Variants in PHC3 observed in about 807,000 individuals in gnomAD.
The protein encoded by PHC3 is polyhomeotic homolog 3, also known as polyhomeotic-like protein 3.
PHC3 carries 13 observed loss-of-function variants against 107.4 expected under a neutral mutation model. The ratio of observed to expected loss-of-function variants is 0.12; its 90% CI spans 0.08 to 0.19. The LOEUF (loss-of-function observed/expected upper bound fraction) is 0.19, where lower values mean the gene tolerates loss of function less well. Among genes scored for constraint, PHC3 ranks in the 10% least tolerant of loss-of-function variants. The pLI, the probability that PHC3 is intolerant of heterozygous loss-of-function variation, is 1.00. For missense variants in PHC3, 992 were observed against 1,210.9 expected (o/e 0.82, Z 2.68); for synonymous variants, 456 against 427.4 (o/e 1.07, Z -0.83).
chr3:170,128,645 C>G (rs552547127), intron 8 of PHC3, 39 bp downstream of exon 8: 1 of 1,574,478 alleles, frequency 6.4e-7, no homozygotes, highest in East Asian at 2.2e-5. Flanking sequence ...TTTTTACTTT[C>G]AGTTCAGCAA....
intron 2 of PHC3, among the ~76,000 whole-genome samples, chr3:170,174,684 C>T (rs1730135187): frequency 6.6e-6 from 1 of 152,170 alleles, no homozygotes; most frequent in Non-Finnish European, 1.5e-5. Context: ...AACTTCAAGA[C>T]AGCATATTTC....
At chr3:170,155,044 T>C (rs1210738725) in intron 4 of PHC3, among the ~76,000 whole-genome samples, 8 of 152,200 alleles carry the variant, frequency 5.3e-5, no homozygotes, top group Non-Finnish European at 1.2e-4. Flanking sequence ...GAAACTCACT[T>C]ACTGAGCCCG....
chr3:170,164,392 T>C (rs1017157075), intron 4 of PHC3, among the ~76,000 whole-genome samples: 3 of 152,298 alleles, frequency 2.0e-5, no homozygotes, highest in Middle Eastern at 3.4e-3. Flanking sequence ...TTCAACCTCC[T>C]TCCTCAGAGA....
chr3:170,136,778 T>TATGA, intron 6 of PHC3, 113 bp from the exon 7 acceptor site: 2 of 1,119,442 alleles, frequency 1.8e-6, no homozygotes, highest in Non-Finnish European at 2.5e-6. Context: ...TTTTCATACG[T>TATGA]AAAGCTCCAA....
intron 4 of PHC3, among the ~76,000 whole-genome samples, chr3:170,154,428 T>A (rs182943436): frequency 2.0e-4 from 31 of 152,072 alleles, no homozygotes; most frequent in Admixed American, 9.2e-4. Flanking sequence ...GCCTTAGAAC[T>A]TTTTTTTCAG....
intron 4 of PHC3, among the ~76,000 whole-genome samples, chr3:170,157,920 A>C (rs1003485542): frequency 6.6e-6 from 1 of 151,922 alleles, no homozygotes; most frequent in Non-Finnish European, 1.5e-5. Context: ...TTATATTAGC[A>C]AAAAGACAGA....
Position 170,172,575 on chromosome 3 carries a change from C to A in PHC3, c.318G>T (p.Gln106His). The change falls in exon 3 of 15, where the codon CAG becomes CAT. Residue 106 changes from glutamine (Q) to histidine (H), a missense_variant. Physicochemically the swap from Gln to His is conservative, Grantham distance 24. This residue lies in a region of PHC3 where 161 missense variants were observed against 183.7 expected (regional missense o/e 0.88). Transcript: ENST00000495893. ...GTCTTACCTGAACAGCAGCAAGGCT[C>A]TGAAGCTGGGAGCTGCTTAAATGCT... Reference protein sequence around the residue: ...QQQHLSSSQLQSLAAVQASLS... With the variant: ...QQQHLSSSQLHSLAAVQASLS... 1 of 1,613,352 alleles carries A rather than the reference C, an allele frequency of 6.2e-7. No individual in the cohort carries two copies. The highest frequency in any genetic ancestry group is 8.5e-7 in the Non-Finnish European group (1 of 1,179,764).
rs1446018828 is a variant in PHC3, at chr3:170,095,021, A to G, written c.*2209T>C. On this transcript the variant is annotated 3_prime_UTR_variant, in exon 15 of 15. Coordinates refer to ENST00000495893, the MANE Select transcript of PHC3 (RefSeq NM_024947.4). The stretch of plus-strand genomic sequence containing the variant: ...TCCCCATATAATAAATTTTGTATTA[A>G]CCGTGGATAATCTATGAAAAGTTTT... The G allele has an allele frequency of 6.6e-6, 1 of 152,176 alleles. No homozygotes were observed. The highest frequency in any genetic ancestry group is 1.5e-5 in the Non-Finnish European group (1 of 68,040). The allele number at this position is 152,176 out of a possible 1,614,324, so 9.4% of individuals were successfully genotyped here.
rs1198516578 is a variant in PHC3 at position 170,117,270 on chromosome 3, C to T, written c.2149G>A (p.Val717Ile). ...AIVKPQILTH[V>I]IEGFVIQEGL... ...TCCTGAATCACAAAGCCTTCAATAA[C>T]ATGGGTTAGGATCTGTGGTTTAACA... Residue 717 changes from valine (V) to isoleucine (I), a missense_variant, in exon 10 of 15, where the codon GTT becomes ATT. This residue lies in a region of PHC3 where 4 missense variants were observed against 21.5 expected (regional missense o/e 0.19). Coordinates refer to ENST00000495893, the MANE Select transcript of PHC3 (RefSeq NM_024947.4). 1 of 1,613,778 alleles carries T rather than the reference C, an allele frequency of 6.2e-7. No individual in the cohort carries two copies. The highest frequency in any genetic ancestry group is 2.2e-5 in the East Asian group (1 of 44,884).
rs1486107816 is a variant in PHC3, at chr3:170,181,728, A to C, written c.-13T>G. 1.2e-6 allele frequency: 2 copies of C among 1,611,878 alleles called. No homozygotes were observed. Among genetic ancestry groups the C allele is most frequent in the Non-Finnish European group, 1.7e-6 (2 of 1,179,540 alleles). The stretch of plus-strand genomic sequence containing the variant: ...CCGCTTCCGCCATCTTCTCTCCTCC[A>C]TCACTAACATGGGCTGCGCATGCGC... On this transcript the variant is annotated 5_prime_UTR_variant, in exon 1 of 15. The change abolishes an upstream ATG in the 5' untranslated region. Transcript: ENST00000495893.
intron 4 of PHC3, among the ~76,000 whole-genome samples, chr3:170,157,677 A>G (rs1369995630): frequency 6.6e-6 from 1 of 152,114 alleles, no homozygotes; most frequent in Admixed American, 6.6e-5. Context: ...TAAGCAAATG[A>G]TTTTCTCTCA....
chr3:170,172,278 C>G (rs902380837), intron 3 of PHC3, among the ~76,000 whole-genome samples: 70 of 152,024 alleles, frequency 4.6e-4, no homozygotes, highest in Non-Finnish European at 1.8e-4. Context: ...CCTAAGTACT[C>G]ACTGTTGTAC....
At chr3:170,158,979 T>C (rs562860349) in intron 4 of PHC3, among the ~76,000 whole-genome samples, 11 of 143,630 alleles carry the variant, frequency 7.7e-5, no homozygotes, top group Non-Finnish European at 1.4e-4. Flanking sequence ...GGGCCGGGCG[T>C]GGTGGCTCAC....
chr3:170,115,877 T>TCACACACACACACACACACACACA lies in PHC3; in HGVS notation c.2193+1325_2193+1348dup, dbSNP rs148039100. Among the ~76,000 whole-genome samples, 6 of 148,572 alleles carry TCACACACACACACACACACACACA rather than the reference T, an allele frequency of 4.0e-5. No homozygotes were observed. In the East Asian group the frequency reaches 9.9e-4, roughly 25 times the overall value. On this transcript the variant is annotated intron_variant, in intron 10 of 14. Coordinates refer to ENST00000495893, the MANE Select transcript of PHC3 (RefSeq NM_024947.4). ...AATTGTTATAGGAAATCCAAGTTTCTCACACACACACACACACACACACAC... is the reference window on the plus strand; with the variant it reads ...AATTGTTATAGGAAATCCAAGTTTCTCACACACACACACACACACACACACACACACACACACACACACACACAC...
intron 14 of PHC3, among the ~76,000 whole-genome samples, chr3:170,101,773 ATTG>A (rs993413745): frequency 2.0e-5 from 3 of 152,130 alleles, no homozygotes; most frequent in African/African-American, 7.2e-5. Context: ...ATAAAAGATT[ATTG>A]TTGTTTTAAG....
intron 4 of PHC3, among the ~76,000 whole-genome samples, chr3:170,160,746 T>C (rs973549135): frequency 6.6e-6 from 1 of 151,798 alleles, no homozygotes; most frequent in Admixed American, 6.6e-5. Context: ...ACTGAAAACA[T>C]ACAAAAAAAA....
chr3:170,176,555 C>G (rs2901549), intron 2 of PHC3, among the ~76,000 whole-genome samples: 66,093 of 151,952 alleles, frequency 0.43, 14,655 homozygotes, highest in East Asian at 0.69. Context: ...GTTAAGGGCA[C>G]AAGGGCTGAA....
chr3:170,089,002 C>CTA lies in PHC3; in HGVS notation c.*8226_*8227dup, dbSNP rs1713792122. The CTA allele has an allele frequency of 6.6e-6, 1 of 152,112 alleles. No homozygotes were observed. Among genetic ancestry groups the CTA allele is most frequent in the Non-Finnish European group, 1.5e-5 (1 of 68,042 alleles). 9.4% of individuals were successfully genotyped at this position (152,112 alleles called of 1,614,324 possible). A position where few individuals can be genotyped will look rare whatever the true frequency, so the allele number is the denominator to read the frequency against. The stretch of plus-strand genomic sequence containing the variant: ...CCAACATGGTGAAACCCCATCTCTA[C>CTA]TAAAAATACAAAAAACTGGCCAGGC... On this transcript the variant is annotated 3_prime_UTR_variant, in exon 15 of 15. Transcript: ENST00000495893.
chr3:170,165,778 A>T (rs1728641442), intron 4 of PHC3, among the ~76,000 whole-genome samples: 3 of 142,798 alleles, frequency 2.1e-5, no homozygotes, highest in African/African-American at 7.9e-5. Flanking sequence ...AAAAAAAAAA[A>T]GAATTATATG....
Sources: gnomAD v4.1 joint callset for allele counts (sites outside exome capture counted in the v4.1 genomes callset) on GRCh38, gnomAD v4.1.1 for gene constraint, gnomAD v4.1.1 regional missense constraint, MANE v1.5 for transcripts, NCBI Gene and HGNC (gene_info 2026-07-23, HGNC 2026-07-21) for gene names.